DNAH3: variants seen among roughly 807,000 people sequenced by gnomAD.
DNAH3 encodes axonemal beta dynein heavy chain 3.
In DNAH3, 332 loss-of-function variants were observed where a neutral mutation model predicts 432.5. That is an observed-to-expected ratio of 0.77 (90% CI 0.70 to 0.84). The LOEUF is 0.84. Among genes scored for constraint, DNAH3 ranks in the 40% least tolerant of loss-of-function variants. The pLI is 0.00. For missense variants in DNAH3, 4,861 were observed against 5,114.0 expected, an observed-to-expected ratio of 0.95 and a Z score of 1.51; for synonymous variants, 1,956 against 1,900.2, an observed-to-expected ratio of 1.03 and a Z score of -0.76.
At chr16:20,987,623 C>T (rs112694702) in intron 46 of DNAH3, 70 bp downstream of exon 46, 1 of 1,581,972 alleles carries the variant, frequency 6.3e-7, no homozygotes, top group Non-Finnish European at 8.6e-7. Flanking sequence ...GCTATTACTG[C>T]TATTACTACA....
chr16:20,984,635 C>G (rs527283536), intron 48 of DNAH3, among the ~76,000 whole-genome samples: 10 of 152,004 alleles, frequency 6.6e-5, no homozygotes, highest in African/African-American at 2.4e-4. Context: ...TTCGGGAGGC[C>G]GAGGCGGGCA....
exon 2 of DNAH3, chr16:21,145,991 A>G (rs1348110425): frequency 6.2e-7 from 1 of 1,609,180 alleles, no homozygotes; most frequent in Admixed American, 1.7e-5. Context: ...TACCTGATAG[A>G]GTCCAGACGG....
intron 44 of DNAH3, among the ~76,000 whole-genome samples, chr16:20,989,375 G>A (rs2086418083): frequency 6.6e-6 from 1 of 151,610 alleles, no homozygotes; most frequent in Admixed American, 6.6e-5. Flanking sequence ...CTAAACACAG[G>A]GTGCTGATTG....
At chr16:20,978,518 T>C (rs12922772) in intron 50 of DNAH3, among the ~76,000 whole-genome samples, 128,613 of 152,138 alleles carry the variant, frequency 0.85, 55,074 homozygotes, top group African/African-American at 0.96. Flanking sequence ...AAGAGAGAGA[T>C]TGCGTCTCGA....
chr16:21,036,282 C>A (rs531554008), intron 35 of DNAH3, among the ~76,000 whole-genome samples: 2 of 152,298 alleles, frequency 1.3e-5, no homozygotes, highest in African/African-American at 4.8e-5. Flanking sequence ...GCCAAGATTG[C>A]ACCACTGCAC....
intron 16 of DNAH3, among the ~76,000 whole-genome samples, chr16:21,102,987 T>C (rs2091871233): frequency 6.6e-6 from 1 of 151,644 alleles, no homozygotes. Context: ...TGCCTCGGCC[T>C]CCCAAAGTGC....
chr16:20,964,470 G>A (rs371972323), exon 53 of DNAH3: 18 of 1,614,044 alleles, frequency 1.1e-5, no homozygotes, highest in Admixed American at 8.3e-5. Flanking sequence ...AGATAGGTTC[G>A]ATAGAAGCAT....
At chr16:20,945,596 T>G (rs1264782068) in intron 57 of DNAH3, among the ~76,000 whole-genome samples, 1 of 152,020 alleles carries the variant, frequency 6.6e-6, no homozygotes, top group Non-Finnish European at 1.5e-5. Context: ...ATTCAAGCAA[T>G]TCTACTGCCT....
chr16:21,098,880 G>T, intron 16 of DNAH3, 111 bp from the exon 17 acceptor site: 1 of 1,083,812 alleles, frequency 9.2e-7, no homozygotes, highest in Non-Finnish European at 1.3e-6. Context: ...TCAGTTACCT[G>T]CAGATTTCCT....
At chr16:21,011,779 C>T (rs2087613913) in intron 41 of DNAH3, among the ~76,000 whole-genome samples, 1 of 152,070 alleles carries the variant, frequency 6.6e-6, no homozygotes, top group Admixed American at 6.6e-5. Flanking sequence ...AAAGGAAAAA[C>T]AAACTAAGAT....
intron 29 of DNAH3, among the ~76,000 whole-genome samples, chr16:21,050,664 A>G (rs116371225): frequency 0.028 from 4,231 of 152,240 alleles, 197 homozygotes; most frequent in African/African-American, 0.096. Flanking sequence ...GGTTGGTCTC[A>G]AACTTCTGGG....
intron 3 of DNAH3, among the ~76,000 whole-genome samples, chr16:21,143,261 C>T (rs555176153): frequency 6.6e-6 from 1 of 152,144 alleles, no homozygotes; most frequent in South Asian, 2.1e-4. Context: ...AACCTTAATC[C>T]CCAGCATGAT....
At chr16:20,950,808 GTT>G (rs953636603) in intron 56 of DNAH3, among the ~76,000 whole-genome samples, 35 of 151,854 alleles carry the variant, frequency 2.3e-4, no homozygotes, top group African/African-American at 8.0e-4. Context: ...TAGTGGTCAC[GTT>G]TTTTTGGTTG....
chr16:21,065,896 G>A (rs573787602), intron 24 of DNAH3, among the ~76,000 whole-genome samples: 2 of 151,926 alleles, frequency 1.3e-5, no homozygotes, highest in East Asian at 1.9e-4. Flanking sequence ...GTATGATCTC[G>A]GCTCACTGCA....
At position 20,997,476 on chromosome 16, in the gene DNAH3, CCA is replaced by C; in HGVS notation, c.6422-16_6422-15del. On this transcript the variant is annotated splice_polypyrimidine_tract_variant and intron_variant, in intron 43 of 61. Transcript: ENST00000261383. ...TGTTGAGGTCATCTGGGGAAAGAAA[CCA>C]CAGATACAGCCATTGCAAGTTCATG... The C allele has an allele frequency of 6.2e-7, 1 of 1,613,176 alleles. No homozygotes were observed. The highest frequency in any genetic ancestry group is 8.5e-7 in the Non-Finnish European group (1 of 1,179,476).
At chr16:20,951,375 C>T (rs1289377750) in intron 56 of DNAH3, among the ~76,000 whole-genome samples, 2 of 151,926 alleles carry the variant, frequency 1.3e-5, no homozygotes, top group Admixed American at 6.6e-5. Context: ...CCTCCTACCC[C>T]AAGATTTAAT....
intron 19 of DNAH3, among the ~76,000 whole-genome samples, chr16:21,083,679 A>C (rs1456689001): frequency 6.6e-6 from 1 of 151,034 alleles, no homozygotes; most frequent in East Asian, 2.0e-4. Context: ...TCTAGACTTG[A>C]GTGCTACAGA....
intron 46 of DNAH3, 72 bp from the exon 47 acceptor site, chr16:20,987,520 A>C: frequency 6.3e-7 from 1 of 1,588,606 alleles, no homozygotes; most frequent in South Asian, 1.1e-5. Flanking sequence ...AGTAGTAGGT[A>C]AGTCCTGGGG....
exon 18 of DNAH3, chr16:21,097,403 A>T (rs1364107078): frequency 6.2e-7 from 1 of 1,613,910 alleles, no homozygotes; most frequent in Non-Finnish European, 8.5e-7. Context: ...GCTGTCGACC[A>T]CAGCTGCTCA....
Sources: gnomAD v4.1 joint callset for allele counts (sites outside exome capture counted in the v4.1 genomes callset) on GRCh38, gnomAD v4.1.1 for gene constraint, MANE v1.5 for transcripts, NCBI Gene and HGNC (gene_info 2026-07-23, HGNC 2026-07-21) for gene names.